The following TMBIM4 variants were observed in gnomAD, a reference collection of about 807,000 sequenced individuals.
TMBIM4 encodes protein lifeguard 4.
A neutral mutation model predicts 27.7 loss-of-function variants in TMBIM4; 28 were observed. That is an observed-to-expected ratio of 1.01 (90% CI 0.75 to 1.38). The LOEUF is 1.38. Among genes scored for constraint, TMBIM4 ranks in the 40% most tolerant of loss-of-function variants. TMBIM4 has a pLI of 0.00. For synonymous variants in TMBIM4, 115 were observed against 113.1 expected (o/e 1.02, Z -0.11); for missense variants, 265 against 277.5 (o/e 0.95, Z 0.32).
chr12:66,140,371 T>C (rs548455791), intron 5 of TMBIM4, among the ~76,000 whole-genome samples: 117 of 152,154 alleles, frequency 7.7e-4, no homozygotes, highest in African/African-American at 2.6e-3. Context: ...AATATTCTGA[T>C]TGGAATTAAT....
rs149925774 is a variant in TMBIM4 at position 66,167,085 on chromosome 12, C to T, written c.97+2770G>A. On this transcript the variant is annotated intron_variant, in intron 1 of 6. Transcript: ENST00000358230. ...ATACAGCATTTGGGAAAAGACAAAA[C>T]TATGGAGACAATAGAAGATCAGCAG... Among the ~76,000 whole-genome samples the T allele has an allele frequency of 9.2e-5, 14 of 152,244 alleles. No individual in the cohort carries two copies. The East Asian group carries it at 2.7e-3, about 29-fold the overall frequency.
Position 66,136,083 on chromosome 12 carries a change from A to AG in TMBIM4, c.*1876_*1877insC, listed in dbSNP as rs1264707424. 5.6e-5 allele frequency: 2 copies of AG among 35,876 alleles called. 1 individual carries two copies. The highest frequency in any genetic ancestry group is 4.7e-4 in the African/African-American group (2 of 4,292). The allele number at this position is 35,876 out of a possible 1,614,324, so 2.2% of individuals were successfully genotyped here. A position where few individuals can be genotyped will look rare whatever the true frequency, so the allele number is the denominator to read the frequency against. On this transcript the variant is annotated 3_prime_UTR_variant, in exon 7 of 7. Transcript: ENST00000358230. ...TAAAAAAATAAATTAAAAAAAAAAA[A>AG]AAAAAAAAAAAAAGAAAATGGTATT...
chr12:66,160,140 C>CCTTT (rs2052009708), intron 1 of TMBIM4: 3 of 699,690 alleles, frequency 4.3e-6, no homozygotes, highest in Non-Finnish European at 7.8e-6. Context: ...ATCTTATGGC[C>CCTTT]CAGAAAGCTG....
chr12:66,159,712 T>C (rs1320176897), intron 1 of TMBIM4, among the ~76,000 whole-genome samples: 1 of 152,198 alleles, frequency 6.6e-6, no homozygotes, highest in African/African-American at 2.4e-5. Flanking sequence ...TTAACTAAAA[T>C]AGCTGCCACC....
chr12:66,160,121 G>A (rs1343888470), intron 1 of TMBIM4: 1 of 690,888 alleles, frequency 1.4e-6, no homozygotes, highest in Admixed American at 2.0e-5. Flanking sequence ...TTGAGGAGCT[G>A]CAACAGATAT....
intron 1 of TMBIM4, among the ~76,000 whole-genome samples, chr12:66,154,142 TTAA>T (rs902938124): frequency 2.0e-5 from 3 of 152,174 alleles, no homozygotes; most frequent in African/African-American, 7.2e-5. Context: ...AAATAAAACA[TTAA>T]TAACAGTTCC....
intron 5 of TMBIM4, among the ~76,000 whole-genome samples, chr12:66,141,402 A>G (rs1245707053): frequency 6.6e-6 from 1 of 152,114 alleles, no homozygotes; most frequent in African/African-American, 2.4e-5. Context: ...AAAGTCATAT[A>G]TTATAAAACC....
Position 66,169,652 on chromosome 12 carries a change from C to T in TMBIM4, c.97+203G>A, listed in dbSNP as rs949750997. ...TGGGCCTGGCGCCCTCCCACACCCG[C>T]TAGGAGGGGAGGAAGCGCCTCCCCG... On this transcript the variant is annotated intron_variant, in intron 1 of 6. Coordinates refer to ENST00000358230, the MANE Select transcript of TMBIM4 (RefSeq NM_016056.4). The T allele has an allele frequency of 1.1e-5, 5 of 470,112 alleles. No homozygotes were observed. The Admixed American group carries it at 1.3e-4, about 12-fold the overall frequency. The allele number at this position is 470,112 out of a possible 1,614,324, so 29.1% of individuals were successfully genotyped here.
chr12:66,167,816 T>C (rs2052157164), intron 1 of TMBIM4, among the ~76,000 whole-genome samples: 1 of 152,240 alleles, frequency 6.6e-6, no homozygotes. Context: ...CCTATATTCA[T>C]GACAGCACTA....
intron 1 of TMBIM4, 111 bp downstream of exon 1, chr12:66,169,744 C>T: frequency 4.8e-6 from 4 of 825,520 alleles, no homozygotes; most frequent in Non-Finnish European, 7.2e-6. Flanking sequence ...AGTGAGCACT[C>T]CCTGTGAGTC....
intron 2 of TMBIM4, 119 bp downstream of exon 2, chr12:66,153,221 G>A: frequency 3.1e-6 from 2 of 649,032 alleles, no homozygotes. Context: ...AAGAGTAAAT[G>A]AACCTTTTTT....
rs905022945 is a variant in TMBIM4 at position 66,137,704 on chromosome 12, T to C, written c.*256A>G. ...CCACTGTGCCCAGCCAGAAAAGCAT[T>C]TTTAATAGAATTTTGATAGCTCTTA... On this transcript the variant is annotated 3_prime_UTR_variant, in exon 7 of 7. Coordinates refer to ENST00000358230, the MANE Select transcript of TMBIM4 (RefSeq NM_016056.4). 26 of 378,840 alleles carry C rather than the reference T, an allele frequency of 6.9e-5. No individual in the cohort carries two copies. The highest frequency in any genetic ancestry group is 5.5e-4 in the African/African-American group (26 of 47,304). The allele number at this position is 378,840 out of a possible 1,614,324, so 23.5% of individuals were successfully genotyped here.
Position 66,137,799 on chromosome 12 carries a change from A to T in TMBIM4, c.*161T>A. 1.6e-6 allele frequency: 1 copy of T among 611,928 alleles called. No individual in the cohort carries two copies. Among genetic ancestry groups the T allele is most frequent in the South Asian group, 2.1e-5 (1 of 47,870 alleles). 37.9% of individuals were successfully genotyped at this position (611,928 alleles called of 1,614,324 possible). On this transcript the variant is annotated 3_prime_UTR_variant, in exon 7 of 7. Coordinates refer to ENST00000358230, the MANE Select transcript of TMBIM4 (RefSeq NM_016056.4). ...AATAGTAAGATTTTAAAGCTCTCAA[A>T]ATTACATATGATACAAATAAAGATT...
chr12:66,161,805 G>T (rs1361905474), intron 1 of TMBIM4, among the ~76,000 whole-genome samples: 1 of 152,122 alleles, frequency 6.6e-6, no homozygotes, highest in Non-Finnish European at 1.5e-5. Flanking sequence ...CAGTCTATAG[G>T]CCAGGCACAT....
intron 5 of TMBIM4, chr12:66,144,655 A>G (rs896385507): frequency 6.6e-6 from 1 of 152,164 alleles, no homozygotes; most frequent in Admixed American, 6.5e-5. Flanking sequence ...AAACCCAAAT[A>G]CTGTATGGAA....
intron 5 of TMBIM4, among the ~76,000 whole-genome samples, chr12:66,140,793 A>G (rs1290664185): frequency 1.3e-5 from 2 of 152,172 alleles, no homozygotes; most frequent in African/African-American, 4.8e-5. Flanking sequence ...GAAACAGAAG[A>G]AAAGTGGAGG....
At chr12:66,157,621 T>TAAAA (rs1486494115) in intron 1 of TMBIM4, among the ~76,000 whole-genome samples, 1 of 152,190 alleles carries the variant, frequency 6.6e-6, no homozygotes, top group Non-Finnish European at 1.5e-5. Flanking sequence ...AGATGAAAGC[T>TAAAA]GGCAGATCTG....
At chr12:66,150,297 AACCCAT>A (rs2051823646) in intron 3 of TMBIM4, among the ~76,000 whole-genome samples, 2 of 152,118 alleles carry the variant, frequency 1.3e-5, no homozygotes, top group Non-Finnish European at 2.9e-5. Flanking sequence ...AAGGCCTGGC[AACCCAT>A]ATATTGACTA....
At chr12:66,139,552 G>A (rs898591049) in intron 5 of TMBIM4, 48 of 452,918 alleles carry the variant, frequency 1.1e-4, no homozygotes, top group Non-Finnish European at 7.1e-5. Context: ...CCAGGCCAGC[G>A]TGTAGGGATA....
Sources: gnomAD v4.1 joint callset for allele counts (sites outside exome capture counted in the v4.1 genomes callset) on GRCh38, gnomAD v4.1.1 for gene constraint, MANE v1.5 for transcripts, NCBI Gene and HGNC (gene_info 2026-07-23, HGNC 2026-07-21) for gene names.